Variants in GLYAT observed in about 807,000 individuals in gnomAD.
GLYAT encodes the protein glycine N-acyltransferase.
A neutral mutation model predicts 22.8 loss-of-function variants in GLYAT; 25 were observed. The ratio of observed to expected loss-of-function variants is 1.09; its 90% CI spans 0.80 to 1.53. The LOEUF is 1.53. GLYAT is among the 40% of genes most tolerant of loss of function. GLYAT has a pLI of 0.00. For missense variants in GLYAT, 411 were observed against 353.9 expected (o/e 1.16, Z -1.29); for synonymous variants, 140 against 122.7 (o/e 1.14, Z -0.93).
chr11:58,723,075 A>C (rs1044428178), intron 2 of GLYAT, among the ~76,000 whole-genome samples: 19 of 152,070 alleles, frequency 1.2e-4, no homozygotes, highest in African/African-American at 4.3e-4. Flanking sequence ...AGTTTTCTCA[A>C]AATGTTTAGG....
chr11:58,731,150 T>C (rs1398469298), intron 1 of GLYAT, among the ~76,000 whole-genome samples: 2 of 152,204 alleles, frequency 1.3e-5, no homozygotes, highest in Non-Finnish European at 2.9e-5. Context: ...GTCTGTATTC[T>C]TGTCTTATTG....
chr11:58,709,679 C>G lies in GLYAT; in HGVS notation c.*87G>C, dbSNP rs537815717. The G allele has an allele frequency of 7.8e-6, 11 of 1,405,408 alleles. No individual in the cohort carries two copies. In the African/African-American group the frequency reaches 1.4e-4, roughly 18 times the overall value. 87.1% of individuals were successfully genotyped at this position (1,405,408 alleles called of 1,614,324 possible). A position where few individuals can be genotyped will look rare whatever the true frequency, so the allele number is the denominator to read the frequency against. On this transcript the variant is annotated 3_prime_UTR_variant, in exon 6 of 6. Transcript: ENST00000344743. ...GTGCCCACTCCTTTACTGCTGATTA[C>G]AATTTATTATTTCTTTTCATCCACC...
intron 4 of GLYAT, 88 bp from the exon 5 acceptor site, chr11:58,710,849 G>T (rs767117566): frequency 1.2e-6 from 1 of 805,030 alleles, no homozygotes; most frequent in Non-Finnish European, 2.1e-6. Flanking sequence ...CTGGGATTTA[G>T]TATCATAAAA....
chr11:58,718,308 G>A (rs1032819225), intron 2 of GLYAT, among the ~76,000 whole-genome samples: 5 of 151,996 alleles, frequency 3.3e-5, no homozygotes, highest in Non-Finnish European at 7.4e-5. Flanking sequence ...TTTGTTCATA[G>A]GAGTATACTA....
intron 2 of GLYAT, 32 bp downstream of exon 2, chr11:58,724,384 T>C: frequency 8.0e-7 from 1 of 1,246,082 alleles, no homozygotes; most frequent in South Asian, 1.3e-5. Context: ...AAGTTTGTCT[T>C]CTTTACTCCT....
chr11:58,710,479 G>T (rs1856600507), intron 5 of GLYAT, 111 bp downstream of exon 5: 2 of 891,784 alleles, frequency 2.2e-6, no homozygotes, highest in Non-Finnish European at 1.8e-6. Context: ...ATGTAATTCT[G>T]ATTTCTTTGT....
At chr11:58,717,013 G>C (rs538154117) in intron 2 of GLYAT, among the ~76,000 whole-genome samples, 26 of 152,232 alleles carry the variant, frequency 1.7e-4, no homozygotes, top group African/African-American at 6.0e-4. Context: ...TTTCTGATTA[G>C]CCTTTCCAAA....
intron 1 of GLYAT, among the ~76,000 whole-genome samples, chr11:58,726,824 C>T (rs1397508379): frequency 6.6e-6 from 1 of 151,966 alleles, no homozygotes; most frequent in Admixed American, 6.6e-5. Flanking sequence ...GCGAGAAAAA[C>T]CTCATGAAAA....
chr11:58,709,896 A>C lies in GLYAT; in HGVS notation c.761T>G (p.Leu254Trp). ...TYVIYSHAQK[L>W]GKLGFPVYSH... The stretch of plus-strand genomic sequence containing the variant: ...ATAGACAGGAAACCCAAGTTTGCCC[A>C]ATTTCTGGGCGTGGGAATAGATGAC... Residue 254 changes from leucine to tryptophan, a missense_variant, in exon 6 of 6, where the codon TTG becomes TGG. By Grantham distance (61) the Leu-to-Trp change is moderately conservative (BLOSUM62 -2). Transcript: ENST00000344743. The C allele has an allele frequency of 2.5e-6, 4 of 1,614,148 alleles. No individual in the cohort carries two copies. The highest frequency in any genetic ancestry group is 3.4e-6 in the Non-Finnish European group (4 of 1,180,000).
At chr11:58,723,204 C>T (rs538339147) in intron 2 of GLYAT, among the ~76,000 whole-genome samples, 1 of 144,876 alleles carries the variant, frequency 6.9e-6, no homozygotes, top group South Asian at 2.3e-4. Flanking sequence ...ATAAAAATAC[C>T]TCAACTAATT....
rs748301208 is a variant in GLYAT, at chr11:58,709,753, T to C, written c.*13A>G. 3.8e-6 allele frequency: 6 copies of C among 1,597,878 alleles called. No individual in the cohort carries two copies. The highest frequency in any genetic ancestry group is 1.3e-5 in the African/African-American group (1 of 74,620). ...CAGACCTGCCCAACACTGTCTTATGTTCAGGATTGGCATCACAGAGGTACA... is the reference window on the plus strand; with the variant it reads ...CAGACCTGCCCAACACTGTCTTATGCTCAGGATTGGCATCACAGAGGTACA... On this transcript the variant is annotated 3_prime_UTR_variant, in exon 6 of 6. Transcript: ENST00000344743.
rs751031634 is a variant in GLYAT, at chr11:58,710,035, A to G, written c.622T>C (p.Cys208Arg). The G allele has an allele frequency of 7.1e-5, 115 of 1,614,036 alleles. No individual in the cohort carries two copies. The highest frequency in any genetic ancestry group is 9.2e-5 in the Non-Finnish European group (109 of 1,180,000). ...ERCIQTFPTC[C>R]LLGPEGTPVC... ...GGGGTCCCCTCAGGCCCCAGGAGAC[A>G]GCAGGTGGGAAAGGTCTGAATGCAG... Residue 208 changes from cysteine to arginine, a missense_variant, in exon 6 of 6, where the codon TGT becomes CGT. Physicochemically the swap from Cys to Arg is radical, Grantham distance 180. Coordinates refer to ENST00000344743, the MANE Select transcript of GLYAT (RefSeq NM_201648.3).
chr11:58,718,058 ACAAAATATAT>A (rs1420364655), intron 2 of GLYAT, among the ~76,000 whole-genome samples: 2 of 152,020 alleles, frequency 1.3e-5, no homozygotes, highest in Admixed American at 6.6e-5. Context: ...GACTGTGTAC[ACAAAATATAT>A]GGACATTTTT....
intron 1 of GLYAT, among the ~76,000 whole-genome samples, chr11:58,725,289 A>T (rs772762216): frequency 1.3e-5 from 2 of 152,196 alleles, no homozygotes; most frequent in Non-Finnish European, 2.9e-5. Flanking sequence ...ATACAAAAAT[A>T]GCATTTTTAC....
intron 2 of GLYAT, chr11:58,724,122 T>G: frequency 7.8e-6 from 2 of 256,270 alleles, no homozygotes; most frequent in Non-Finnish European, 1.5e-5. Flanking sequence ...ATTTTTTGAG[T>G]TAGCACAGAG....
intron 4 of GLYAT, among the ~76,000 whole-genome samples, chr11:58,711,832 G>C (rs473287): frequency 0.69 from 105,641 of 152,124 alleles, 38,082 homozygotes; most frequent in Middle Eastern, 0.9. Flanking sequence ...AATGCAAGGA[G>C]AGGCTTAAAA....
At position 58,708,809 on chromosome 11, in the gene GLYAT, G is replaced by A. The variant is rs1192001890; in HGVS notation, c.*957C>T. On this transcript the variant is annotated 3_prime_UTR_variant, in exon 6 of 6. Coordinates refer to ENST00000344743, the MANE Select transcript of GLYAT (RefSeq NM_201648.3). ...ATTATTATTTTAAATAAACAAATAA[G>A]TTCAGACTGTTATTTATGAATTACC... is the stretch of plus-strand genomic sequence containing the variant. The A allele has an allele frequency of 2.0e-5, 3 of 152,066 alleles. No individual in the cohort carries two copies. The East Asian group carries it at 5.8e-4, about 29-fold the overall frequency. 9.4% of individuals were successfully genotyped at this position (152,066 alleles called of 1,614,324 possible).
intron 2 of GLYAT, among the ~76,000 whole-genome samples, chr11:58,717,168 G>T (rs542768960): frequency 3.3e-5 from 5 of 152,064 alleles, no homozygotes; most frequent in Non-Finnish European, 4.4e-5. Context: ...CATCCTTTTT[G>T]TAAAATCTTT....
rs1187811817 is a variant in GLYAT at position 58,709,281 on chromosome 11, A to G, written c.*485T>C. 6.4e-6 allele frequency: 1 copy of G among 155,780 alleles called. No homozygotes were observed. Among genetic ancestry groups the G allele is most frequent in the Admixed American group, 6.2e-5 (1 of 16,172 alleles). The allele number at this position is 155,780 out of a possible 1,614,324, so 9.6% of individuals were successfully genotyped here. ...TATATATTTGTGTCCAGTATATTTA[A>G]TGTACCTATAAAGTAGCAATAACAG... On this transcript the variant is annotated 3_prime_UTR_variant, in exon 6 of 6. Coordinates refer to ENST00000344743, the MANE Select transcript of GLYAT (RefSeq NM_201648.3).
Sources: allele counts gnomAD v4.1 joint callset (sites outside exome capture counted in the v4.1 genomes callset), GRCh38; gene constraint gnomAD v4.1.1; transcripts MANE v1.5; gene names NCBI Gene and HGNC (gene_info 2026-07-23, HGNC 2026-07-21).